Variants in CERS6 observed in about 807,000 individuals in gnomAD.
CERS6 encodes the protein ceramide synthase 6.
CERS6 carries 26 observed loss-of-function variants against 56.8 expected under a neutral mutation model. That is an observed-to-expected ratio of 0.46 (90% CI 0.34 to 0.63). CERS6 has a LOEUF of 0.63. Ranked by LOEUF, CERS6 falls within the 30% of genes least tolerant of loss-of-function variation. The pLI is 0.01. For synonymous variants in CERS6, 164 were observed against 173.3 expected, an observed-to-expected ratio of 0.95 and a Z score of 0.42; for missense variants, 415 against 467.5, an observed-to-expected ratio of 0.89 and a Z score of 1.04.
At chr2:168,647,205 G>C (rs1230076582) in intron 4 of CERS6, among the ~76,000 whole-genome samples, 2 of 152,048 alleles carry the variant, frequency 1.3e-5, no homozygotes, top group Non-Finnish European at 2.9e-5. Context: ...TGATTTCTTT[G>C]AGCAATGTTT....
At chr2:168,578,688 G>A (rs1683337000) in intron 3 of CERS6, among the ~76,000 whole-genome samples, 1 of 152,032 alleles carries the variant, frequency 6.6e-6, no homozygotes, top group South Asian at 2.1e-4. Context: ...TTTATACTTT[G>A]CATATTATAT....
intron 8 of CERS6, among the ~76,000 whole-genome samples, chr2:168,728,653 C>A (rs1315618111): frequency 6.6e-6 from 1 of 151,636 alleles, no homozygotes; most frequent in Non-Finnish European, 1.5e-5. Context: ...GAAGGGAGAA[C>A]AGAATATGCT....
intron 4 of CERS6, among the ~76,000 whole-genome samples, chr2:168,650,082 CA>C (rs1331594905): frequency 6.6e-6 from 1 of 152,020 alleles, no homozygotes; most frequent in East Asian, 1.9e-4. Context: ...AAAACAAACA[CA>C]AAAACAAAGG....
At chr2:168,584,640 A>G (rs769997228) in intron 3 of CERS6, among the ~76,000 whole-genome samples, 2 of 152,212 alleles carry the variant, frequency 1.3e-5, no homozygotes, top group East Asian at 3.8e-4. Context: ...TGGGGCACCA[A>G]TTACTTGGAG....
Position 168,587,728 on chromosome 2 carries a change from CAT to C in CERS6, c.407+26409_407+26410del, listed in dbSNP as rs1424077589. ...TGTGATTAATATGTAATACAATTAA[CAT>C]ATTAATATATAATATGATTAATATA... On this transcript the variant is annotated intron_variant, in intron 3 of 9. Transcript: ENST00000305747. 2.0e-5 allele frequency among the ~76,000 whole-genome samples: 3 copies of C among 151,510 alleles called. 1 individual carries two copies. The highest frequency in any genetic ancestry group is 3.9e-4 in the East Asian group (2 of 5,168).
chr2:168,640,161 G>T (rs187311773), intron 4 of CERS6, among the ~76,000 whole-genome samples: 1 of 152,250 alleles, frequency 6.6e-6, no homozygotes, highest in East Asian at 1.9e-4. Context: ...GTGAGTGCTG[G>T]CAATGTTCTC....
chr2:168,614,235 C>T (rs1021871047), intron 3 of CERS6, among the ~76,000 whole-genome samples: 1 of 152,202 alleles, frequency 6.6e-6, no homozygotes, highest in South Asian at 2.1e-4. Context: ...AACTTTCATA[C>T]ATATGTGCAT....
chr2:168,571,257 G>GCTTACATTTCA (rs1695980710), intron 3 of CERS6, among the ~76,000 whole-genome samples: 1 of 151,902 alleles, frequency 6.6e-6, no homozygotes. Context: ...TCTGCTTGGA[G>GCTTACATTTCA]CTGGAGTGTT....
At chr2:168,514,892 G>A (rs947200498) in intron 1 of CERS6, among the ~76,000 whole-genome samples, 6 of 152,096 alleles carry the variant, frequency 3.9e-5, no homozygotes, top group Non-Finnish European at 8.8e-5. Context: ...TAGTTCACTC[G>A]GCCAGCATAA....
intron 1 of CERS6, among the ~76,000 whole-genome samples, chr2:168,472,698 A>G (rs1190438140): frequency 1.3e-5 from 2 of 152,210 alleles, no homozygotes; most frequent in Non-Finnish European, 2.9e-5. Context: ...CTGTTTTATA[A>G]GGATAGGCGC....
intron 3 of CERS6, among the ~76,000 whole-genome samples, chr2:168,562,277 C>A (rs987971618): frequency 3.3e-5 from 5 of 152,074 alleles, no homozygotes; most frequent in Non-Finnish European, 7.4e-5. Flanking sequence ...CCCTCCACAC[C>A]TGTGGGTATT....
chr2:168,524,390 CGTG>C (rs529125579), intron 1 of CERS6, among the ~76,000 whole-genome samples: 206 of 152,184 alleles, frequency 1.4e-3, no homozygotes, highest in African/African-American at 4.7e-3. Flanking sequence ...AGGAAAAAGA[CGTG>C]GTGATTGTGA....
intron 1 of CERS6, among the ~76,000 whole-genome samples, chr2:168,510,789 G>A (rs911884408): frequency 3.3e-5 from 5 of 152,162 alleles, no homozygotes; most frequent in Middle Eastern, 6.8e-3. Flanking sequence ...AGGGCTCAAT[G>A]TGCTGGGTAA....
At chr2:168,568,359 T>TA (rs1465229979) in intron 3 of CERS6, among the ~76,000 whole-genome samples, 3 of 152,248 alleles carry the variant, frequency 2.0e-5, no homozygotes, top group Non-Finnish European at 4.4e-5. Context: ...CCCAGTCTGT[T>TA]ATTTTTGAAC....
chr2:168,482,334 T>A (rs951778580), intron 1 of CERS6, among the ~76,000 whole-genome samples: 1 of 152,246 alleles, frequency 6.6e-6, no homozygotes, highest in Non-Finnish European at 1.5e-5. Context: ...ACAAAGCCAC[T>A]AAAAGACAAG....
intron 3 of CERS6, among the ~76,000 whole-genome samples, chr2:168,606,906 G>A (rs1353963290): frequency 6.6e-6 from 1 of 152,092 alleles, no homozygotes; most frequent in Non-Finnish European, 1.5e-5. Context: ...TCCTGCTCTG[G>A]CCATGTAAGA....
At chr2:168,736,999 T>G (rs1406302288) in intron 8 of CERS6, among the ~76,000 whole-genome samples, 1 of 152,240 alleles carries the variant, frequency 6.6e-6, no homozygotes. Flanking sequence ...GAATTTGTGC[T>G]AAGGGGATCC....
At chr2:168,462,519 T>A (rs1399883646) in intron 1 of CERS6, among the ~76,000 whole-genome samples, 1 of 152,162 alleles carries the variant, frequency 6.6e-6, no homozygotes, top group Non-Finnish European at 1.5e-5. Context: ...TGTAGCATGA[T>A]TGAACACAAA....
chr2:168,653,969 T>G (rs561492941), intron 4 of CERS6, among the ~76,000 whole-genome samples: 8 of 152,170 alleles, frequency 5.3e-5, no homozygotes, highest in Non-Finnish European at 1.2e-4. Flanking sequence ...CTGTAATGTG[T>G]CTCCCTCAAT....
Sources: gnomAD v4.1 joint callset for allele counts (sites outside exome capture counted in the v4.1 genomes callset) on GRCh38, gnomAD v4.1.1 for gene constraint, MANE v1.5 for transcripts, NCBI Gene and HGNC (gene_info 2026-07-23, HGNC 2026-07-21) for gene names.